The following CNTNAP2 variants were observed in gnomAD, a reference collection of about 807,000 sequenced individuals.
The protein encoded by CNTNAP2 is contactin-associated protein-like 2.
In CNTNAP2, 98 loss-of-function variants were observed where a neutral mutation model predicts 155.2. The ratio of observed to expected loss-of-function variants is 0.63; its 90% CI spans 0.54 to 0.75. The LOEUF (loss-of-function observed/expected upper bound fraction) is 0.75, where lower values mean the gene tolerates loss of function less well. Among genes scored for constraint, CNTNAP2 ranks in the 30% least tolerant of loss-of-function variants. The pLI is 0.00. For synonymous variants in CNTNAP2, 651 were observed against 631.2 expected (o/e 1.03, Z -0.47); for missense variants, 1,727 against 1,688.1 (o/e 1.02, Z -0.40).
rs59352888 is a variant in CNTNAP2, at chr7:147,566,118, C to CAA, written c.1897+3875_1897+3876dup. 6.1e-4 allele frequency among the ~76,000 whole-genome samples: 65 copies of CAA among 107,306 alleles called. No homozygotes were observed. The East Asian group carries it at 0.018, about 29-fold the overall frequency. 70.4% of individuals were successfully genotyped at this position (107,306 alleles called of 152,430 possible). A position where few individuals can be genotyped will look rare whatever the true frequency, so the allele number is the denominator to read the frequency against. On this transcript the variant is annotated intron_variant, in intron 12 of 23. Coordinates refer to ENST00000361727, the MANE Select transcript of CNTNAP2 (RefSeq NM_014141.6). Reference sequence around the variant, plus strand: ...CAACATGGTGAGACCCTATCTCTACCAAAAAAAAAAAAAAAGCAAAAACAA... The same window carrying CAA: ...CAACATGGTGAGACCCTATCTCTACCAAAAAAAAAAAAAAAAAGCAAAAACAA...
At chr7:147,925,633 T>C (rs1800383977) in intron 14 of CNTNAP2, among the ~76,000 whole-genome samples, 1 of 152,018 alleles carries the variant, frequency 6.6e-6, no homozygotes, top group African/African-American at 2.4e-5. Context: ...GGCTAATTTT[T>C]TGTATTTTTA....
At chr7:146,301,430 A>G (rs773561140) in intron 1 of CNTNAP2, among the ~76,000 whole-genome samples, 2 of 151,844 alleles carry the variant, frequency 1.3e-5, no homozygotes, top group Non-Finnish European at 2.9e-5. Context: ...CGAGACCATC[A>G]TGGCTAACAT....
chr7:146,784,611 A>G (rs1802542990), intron 2 of CNTNAP2, among the ~76,000 whole-genome samples: 1 of 152,232 alleles, frequency 6.6e-6, no homozygotes, highest in African/African-American at 2.4e-5. Context: ...CATAGGAGAC[A>G]TCTTGGGCCA....
chr7:147,229,618 C>G (rs554656643), intron 8 of CNTNAP2, among the ~76,000 whole-genome samples: 2 of 152,218 alleles, frequency 1.3e-5, no homozygotes, highest in South Asian at 4.1e-4. Context: ...GATGGACTTA[C>G]AATTGAGAAC....
At chr7:147,978,565 G>A (rs1476142078) in intron 15 of CNTNAP2, among the ~76,000 whole-genome samples, 1 of 152,090 alleles carries the variant, frequency 6.6e-6, no homozygotes, top group Non-Finnish European at 1.5e-5. Context: ...CTGCTAGCTT[G>A]GACAGTGGGA....
At chr7:146,662,556 C>T (rs1003831300) in intron 1 of CNTNAP2, among the ~76,000 whole-genome samples, 1 of 151,948 alleles carries the variant, frequency 6.6e-6, no homozygotes, top group East Asian at 1.9e-4. Context: ...AAATATTTTC[C>T]CCACACTGTG....
intron 15 of CNTNAP2, among the ~76,000 whole-genome samples, chr7:147,991,283 G>C (rs375159290): frequency 2.0e-5 from 3 of 152,296 alleles, no homozygotes; most frequent in African/African-American, 7.2e-5. Flanking sequence ...GAGGCACTCA[G>C]ACATGTGTTC....
intron 3 of CNTNAP2, among the ~76,000 whole-genome samples, chr7:146,862,155 T>C (rs1795114831): frequency 2.0e-5 from 3 of 152,192 alleles, no homozygotes; most frequent in Non-Finnish European, 2.9e-5. Context: ...ACCTGCCAGT[T>C]CGTTATTCAT....
intron 1 of CNTNAP2, among the ~76,000 whole-genome samples, chr7:146,242,274 T>A (rs1218777665): frequency 1.3e-5 from 2 of 152,110 alleles, no homozygotes; most frequent in Non-Finnish European, 2.9e-5. Flanking sequence ...GCGCCGTGGC[T>A]CACACCTGTA....
intron 13 of CNTNAP2, among the ~76,000 whole-genome samples, chr7:147,839,850 T>C (rs775079138): frequency 2.6e-5 from 4 of 152,072 alleles, no homozygotes; most frequent in Non-Finnish European, 2.9e-5. Context: ...AAGTGTCTAA[T>C]GGATGATTGG....
chr7:147,785,401 T>C (rs1481190083), intron 13 of CNTNAP2, among the ~76,000 whole-genome samples: 1 of 152,052 alleles, frequency 6.6e-6, no homozygotes, highest in Non-Finnish European at 1.5e-5. Flanking sequence ...AAGGAGCCAG[T>C]GAACTTTGTA....
intron 16 of CNTNAP2, among the ~76,000 whole-genome samples, chr7:148,139,799 A>G (rs1173577425): frequency 6.6e-6 from 1 of 152,126 alleles, no homozygotes; most frequent in Non-Finnish European, 1.5e-5. Flanking sequence ...TCGGCCTCCC[A>G]AAGTGCTGGG....
At chr7:147,290,061 G>A (rs568913999) in intron 8 of CNTNAP2, among the ~76,000 whole-genome samples, 2 of 152,104 alleles carry the variant, frequency 1.3e-5, no homozygotes, top group Non-Finnish European at 2.9e-5. Context: ...AAATTGAATT[G>A]GCAACTATTG....
chr7:147,593,787 T>C (rs1222447218), intron 12 of CNTNAP2, among the ~76,000 whole-genome samples: 1 of 152,176 alleles, frequency 6.6e-6, no homozygotes. Context: ...TCAGACTGTT[T>C]AGTGTGTGTC....
rs3053507 is a variant in CNTNAP2 at position 147,729,428 on chromosome 7, G to GCACA, written c.2098+90139_2098+90142dup. On this transcript the variant is annotated intron_variant, in intron 13 of 23. Transcript: ENST00000361727. ...CATGCACACACACGCACACACACACGCACACACACACACACACACAGAGTT... is the reference window on the plus strand; with the variant it reads ...CATGCACACACACGCACACACACACGCACACACACACACACACACACACAGAGTT... 3.7e-3 allele frequency among the ~76,000 whole-genome samples: 555 copies of GCACA among 149,262 alleles called. 4 individuals are homozygous for GCACA. Among genetic ancestry groups the GCACA allele is most frequent in the African/African-American group, 6.2e-3 (255 of 40,978 alleles).
intron 13 of CNTNAP2, among the ~76,000 whole-genome samples, chr7:147,792,017 C>A (rs1284359640): frequency 6.6e-6 from 1 of 152,200 alleles, no homozygotes; most frequent in African/African-American, 2.4e-5. Flanking sequence ...CCCCTAAGGG[C>A]ACCACCTAAT....
intron 21 of CNTNAP2, among the ~76,000 whole-genome samples, chr7:148,351,016 C>G (rs1302208343): frequency 6.6e-6 from 1 of 152,352 alleles, no homozygotes; most frequent in Admixed American, 6.5e-5. Flanking sequence ...TGGAGAGATA[C>G]AAGCGAGCGA....
chr7:146,542,601 C>T (rs1235424131), intron 1 of CNTNAP2, among the ~76,000 whole-genome samples: 1 of 151,890 alleles, frequency 6.6e-6, no homozygotes, highest in Admixed American at 6.6e-5. Context: ...TAGAGACCCC[C>T]CCTTACTTCC....
chr7:147,681,891 T>C (rs566285186), intron 13 of CNTNAP2, among the ~76,000 whole-genome samples: 1 of 151,964 alleles, frequency 6.6e-6, no homozygotes, highest in African/African-American at 2.4e-5. Flanking sequence ...CAGCATCCAC[T>C]GGGGTCTTGG....
Sources: gnomAD v4.1 joint callset for allele counts (sites outside exome capture counted in the v4.1 genomes callset) on GRCh38, gnomAD v4.1.1 for gene constraint, MANE v1.5 for transcripts, NCBI Gene and HGNC (gene_info 2026-07-23, HGNC 2026-07-21) for gene names.